Variants in C10orf90 observed in about 807,000 individuals in gnomAD.
C10orf90 encodes the protein (E2-independent) E3 ubiquitin-conjugating enzyme FATS.
Under a neutral mutation model 62.5 loss-of-function variants are expected in C10orf90, and 56 were observed. The observed-to-expected ratio is 0.90, with a 90% confidence interval of 0.72 to 1.12. The LOEUF (loss-of-function observed/expected upper bound fraction) is 1.12. Among genes scored for constraint, C10orf90 ranks in the 50% most tolerant of loss-of-function variants. The pLI is 0.00. For synonymous variants in C10orf90, 386 were observed against 340.4 expected, an observed-to-expected ratio of 1.13 and a Z score of -1.47; for missense variants, 970 against 880.4, an observed-to-expected ratio of 1.10 and a Z score of -1.29.
At chr10:126,458,974 G>C in intron 7 of C10orf90, 66 bp downstream of exon 7, 2 of 1,517,718 alleles carry the variant, frequency 1.3e-6, no homozygotes, top group Non-Finnish European at 1.8e-6. Flanking sequence ...CCTGAGTGAA[G>C]CCTCCAGCTC....
chr10:126,581,448 C>A lies in C10orf90; in HGVS notation c.313+65117G>T, dbSNP rs764806985. 6.9e-4 allele frequency among the ~76,000 whole-genome samples: 105 copies of A among 152,280 alleles called. 2 individuals carry two copies. The highest frequency in any genetic ancestry group is 6.2e-4 in the South Asian group (3 of 4,812). On this transcript the variant is annotated intron_variant, in intron 2 of 9. Transcript: ENST00000488181. Reference sequence around the variant, plus strand: ...CATGCTGGCTGGTCCTGTCATCATGCCTTCTTCAGGGATGCTGCACTCTGC... The same window carrying A: ...CATGCTGGCTGGTCCTGTCATCATGACTTCTTCAGGGATGCTGCACTCTGC...
At chr10:126,568,071 G>C (rs975694844) in intron 2 of C10orf90, among the ~76,000 whole-genome samples, 22 of 152,112 alleles carry the variant, frequency 1.4e-4, no homozygotes, top group South Asian at 2.1e-4. Context: ...CTAAGCTTAG[G>C]CCACCTAAAA....
intron 2 of C10orf90, among the ~76,000 whole-genome samples, chr10:126,544,877 C>G (rs11245027): frequency 0.27 from 40,819 of 151,936 alleles, 8,798 homozygotes; most frequent in African/African-American, 0.6. Context: ...ATGATTTTCA[C>G]TACTATTCCC....
At chr10:126,433,604 G>A (rs1857722999) in intron 7 of C10orf90, among the ~76,000 whole-genome samples, 1 of 152,180 alleles carries the variant, frequency 6.6e-6, no homozygotes, top group East Asian at 1.9e-4. Context: ...CTACCTGCAC[G>A]CCACCATCTT....
intron 2 of C10orf90, among the ~76,000 whole-genome samples, chr10:126,641,333 C>T (rs1041555332): frequency 1.3e-5 from 2 of 152,052 alleles, no homozygotes; most frequent in East Asian, 1.9e-4. Context: ...TTTGTAAAAT[C>T]TGGAATAAAA....
chr10:126,440,179 C>T (rs1858213376), intron 7 of C10orf90, among the ~76,000 whole-genome samples: 1 of 152,188 alleles, frequency 6.6e-6, no homozygotes, highest in Admixed American at 6.5e-5. Flanking sequence ...CCTGCTTGTC[C>T]ACTGCCTGGA....
rs144257914 is a variant in C10orf90, at chr10:126,642,333, C to T, written c.313+4232G>A. 7.9e-3 allele frequency among the ~76,000 whole-genome samples: 1,198 copies of T among 152,188 alleles called. 8 individuals are homozygous for T. Among genetic ancestry groups the T allele is most frequent in the East Asian group, 0.025 (130 of 5,162 alleles). ...AGATCACGAGGTCGGGAGATCGAGA[C>T]CATCCTGGCTAACATGGTGAAACCC... On this transcript the variant is annotated intron_variant, in intron 2 of 9. Coordinates refer to ENST00000488181, the MANE Select transcript of C10orf90 (RefSeq NM_001350921.2).
At chr10:126,663,879 A>C (rs935203730) in intron 1 of C10orf90, among the ~76,000 whole-genome samples, 2 of 152,166 alleles carry the variant, frequency 1.3e-5, no homozygotes, top group Non-Finnish European at 2.9e-5. Context: ...AAAGTACACT[A>C]AGGTGTGAGG....
chr10:126,603,777 A>G (rs1205388458), intron 2 of C10orf90, among the ~76,000 whole-genome samples: 1 of 152,032 alleles, frequency 6.6e-6, no homozygotes, highest in African/African-American at 2.4e-5. Flanking sequence ...GTTCTTATAT[A>G]CCTCCCAGGC....
intron 2 of C10orf90, chr10:126,520,065 T>G (rs1863656047): frequency 6.6e-6 from 1 of 152,242 alleles, no homozygotes. Flanking sequence ...GGCAACATCC[T>G]CCCCACCCTC....
intron 3 of C10orf90, among the ~76,000 whole-genome samples, chr10:126,510,946 C>A (rs2133909029): frequency 6.6e-6 from 1 of 152,350 alleles, no homozygotes; most frequent in African/African-American, 2.4e-5. Flanking sequence ...AGGCTCTCCT[C>A]CCATCTCTAC....
At chr10:126,579,921 T>C (rs1008105000) in intron 2 of C10orf90, among the ~76,000 whole-genome samples, 1 of 152,184 alleles carries the variant, frequency 6.6e-6, no homozygotes, top group Non-Finnish European at 1.5e-5. Flanking sequence ...TTCGAAATCA[T>C]CAATCTTTTA....
At chr10:126,566,704 A>T (rs1013477582) in intron 2 of C10orf90, among the ~76,000 whole-genome samples, 3 of 152,194 alleles carry the variant, frequency 2.0e-5, no homozygotes, top group African/African-American at 7.2e-5. Context: ...CCTGTGGGGC[A>T]GTGGCATGGA....
intron 1 of C10orf90, among the ~76,000 whole-genome samples, chr10:126,657,141 G>GT (rs11379211): frequency 0.023 from 3,536 of 151,456 alleles, 117 homozygotes; most frequent in African/African-American, 0.079. Context: ...TATTTTGAAT[G>GT]TTTTTTTTTA....
At chr10:126,669,562 C>T (rs1846703743) in intron 1 of C10orf90, among the ~76,000 whole-genome samples, 1 of 152,152 alleles carries the variant, frequency 6.6e-6, no homozygotes, top group Non-Finnish European at 1.5e-5. Context: ...AATAAACAGC[C>T]GATCAGATTT....
chr10:126,544,557 C>A (rs1469869436), intron 2 of C10orf90, among the ~76,000 whole-genome samples: 1 of 151,018 alleles, frequency 6.6e-6, no homozygotes, highest in Admixed American at 6.6e-5. Context: ...TTTTTTTTTC[C>A]TTTCCATCGA....
intron 2 of C10orf90, among the ~76,000 whole-genome samples, chr10:126,612,772 T>C (rs891973517): frequency 6.6e-6 from 1 of 152,180 alleles, no homozygotes; most frequent in Non-Finnish European, 1.5e-5. Context: ...AATGGTCTAT[T>C]TCTGAAAACT....
At chr10:126,647,157 T>C (rs537691263) in intron 1 of C10orf90, among the ~76,000 whole-genome samples, 48 of 152,344 alleles carry the variant, frequency 3.2e-4, no homozygotes, top group African/African-American at 1.1e-3. Flanking sequence ...TAAAGATTTC[T>C]TTTGTGATTT....
intron 2 of C10orf90, among the ~76,000 whole-genome samples, chr10:126,609,918 GTTC>G (rs1263712318): frequency 1.3e-5 from 2 of 152,154 alleles, no homozygotes; most frequent in African/African-American, 2.4e-5. Context: ...CCCCAGAATT[GTTC>G]TTCTTGCCTG....
Sources: gnomAD v4.1 joint callset for allele counts (sites outside exome capture counted in the v4.1 genomes callset) on GRCh38, gnomAD v4.1.1 for gene constraint, MANE v1.5 for transcripts, NCBI Gene and HGNC (gene_info 2026-07-23, HGNC 2026-07-21) for gene names.